The following ADRA1B variants were observed in gnomAD, a reference collection of about 807,000 sequenced individuals.
ADRA1B encodes the protein alpha-1B adrenergic receptor.
Under a neutral mutation model 17.9 loss-of-function variants are expected in ADRA1B, and 17 were observed. That is an observed-to-expected ratio of 0.95 (90% CI 0.65 to 1.42). The LOEUF is 1.42. Ranked by LOEUF, ADRA1B falls within the 40% of genes most tolerant of loss-of-function variation. The pLI is 0.00. For synonymous variants in ADRA1B, 366 were observed against 327.6 expected, an observed-to-expected ratio of 1.12 and a Z score of -1.27; for missense variants, 681 against 722.1, an observed-to-expected ratio of 0.94 and a Z score of 0.65.
intron 1 of ADRA1B, chr5:159,929,172 A>G: frequency 1.3e-5 from 2 of 152,332 alleles, no homozygotes; most frequent in Middle Eastern, 6.8e-3. Context: ...TACAGTTATA[A>G]TGTTGAAAAA....
intron 1 of ADRA1B, among the ~76,000 whole-genome samples, chr5:159,939,322 T>TGTGCGCGC (rs1554090928): frequency 1.9e-5 from 2 of 107,602 alleles, no homozygotes; most frequent in African/African-American, 7.1e-5. Context: ...TGTGTGTGTG[T>TGTGCGCGC]GCGCGCGCGC....
chr5:159,952,054 C>T (rs535931162), intron 1 of ADRA1B, among the ~76,000 whole-genome samples: 46 of 152,296 alleles, frequency 3.0e-4, no homozygotes, highest in African/African-American at 1.0e-3. Flanking sequence ...AATGAGTCAT[C>T]TGAAAACTAG....
chr5:159,948,473 A>G (rs981288943), intron 1 of ADRA1B: 2 of 982,808 alleles, frequency 2.0e-6, no homozygotes, highest in Non-Finnish European at 2.4e-6. Context: ...AGTAACTTTT[A>G]CTGGGTTAGT....
chr5:159,933,971 C>T (rs978134779), intron 1 of ADRA1B, among the ~76,000 whole-genome samples: 5 of 152,104 alleles, frequency 3.3e-5, no homozygotes, highest in African/African-American at 1.2e-4. Flanking sequence ...CAGTAGACAG[C>T]GTATATTTAG....
At chr5:159,945,316 C>T (rs947500727) in intron 1 of ADRA1B, among the ~76,000 whole-genome samples, 5 of 152,106 alleles carry the variant, frequency 3.3e-5, no homozygotes, top group African/African-American at 1.2e-4. Flanking sequence ...TGCGCCATTG[C>T]ACTCCAGCCT....
At chr5:159,989,068 A>G in the ADRA1B span, among the ~76,000 whole-genome samples, 16 of 152,354 alleles carry the variant, frequency 1.1e-4, no homozygotes, top group Admixed American at 6.5e-4. Context: ...TGTTTTCCAC[A>G]GTGGCTGCAC....
chr5:159,913,034 C>G (rs1177655510), upstream of ADRA1B, among the ~76,000 whole-genome samples: 1 of 152,146 alleles, frequency 6.6e-6, no homozygotes, highest in Admixed American at 6.6e-5. Context: ...TCACAGGTGA[C>G]AGATCTCCTC....
the ADRA1B span, among the ~76,000 whole-genome samples, chr5:159,988,209 A>AGATGGGGAAAGGAGGCCGT: frequency 1.3e-5 from 2 of 152,200 alleles, no homozygotes; most frequent in African/African-American, 4.8e-5. Context: ...GAGACTTTGA[A>AGATGGGGAAAGGAGGCCGT]GATGGGGAAA....
At chr5:159,943,889 TTC>T (rs34807519) in intron 1 of ADRA1B, among the ~76,000 whole-genome samples, 20 of 139,502 alleles carry the variant, frequency 1.4e-4, no homozygotes, top group African/African-American at 1.5e-4. Flanking sequence ...TTGGCTCTCA[TTC>T]TCTCTCTCTC....
At chr5:159,929,833 A>G (rs1451691324) in intron 1 of ADRA1B, among the ~76,000 whole-genome samples, 2 of 152,168 alleles carry the variant, frequency 1.3e-5, no homozygotes, top group South Asian at 2.1e-4. Context: ...TGAAGTAAAC[A>G]TTGTTACCAG....
upstream of ADRA1B, among the ~76,000 whole-genome samples, chr5:159,912,890 G>A (rs534797394): frequency 2.6e-5 from 4 of 152,344 alleles, no homozygotes; most frequent in South Asian, 8.3e-4. Context: ...CTCAGTGTTA[G>A]GTTATTGTTT....
chr5:159,980,494 T>G, the ADRA1B span, among the ~76,000 whole-genome samples: 1 of 152,118 alleles, frequency 6.6e-6, no homozygotes, highest in Non-Finnish European at 1.5e-5. Context: ...ATAGCTCAGA[T>G]GAGTAGTAGT....
At chr5:159,985,105 T>A in the ADRA1B span, among the ~76,000 whole-genome samples, 1 of 152,018 alleles carries the variant, frequency 6.6e-6, no homozygotes, top group African/African-American at 2.4e-5. Context: ...CCAGGGACAG[T>A]CCCTTCTTAG....
chr5:159,975,657 G>A (rs1020141351), downstream of ADRA1B, among the ~76,000 whole-genome samples: 1 of 152,340 alleles, frequency 6.6e-6, no homozygotes. Context: ...TTTCTTTCCA[G>A]AAGGAAGACT....
downstream of ADRA1B, among the ~76,000 whole-genome samples, chr5:159,977,180 TA>T (rs1030482929): frequency 6.6e-6 from 1 of 152,182 alleles, no homozygotes; most frequent in African/African-American, 2.4e-5. Context: ...CCCACCCCGC[TA>T]AATCTCCCAA....
intron 1 of ADRA1B, among the ~76,000 whole-genome samples, chr5:159,876,991 C>T (rs1452956918): frequency 1.3e-5 from 2 of 152,154 alleles, no homozygotes; most frequent in Non-Finnish European, 1.5e-5. Context: ...GATTTTCTTC[C>T]CCTAAGGGGT....
intron 1 of ADRA1B, among the ~76,000 whole-genome samples, chr5:159,918,741 A>G (rs1195681799): frequency 6.6e-6 from 1 of 152,226 alleles, no homozygotes; most frequent in Non-Finnish European, 1.5e-5. Context: ...TTTCTAAGGA[A>G]GAAGCCAAGG....
intron 1 of ADRA1B, among the ~76,000 whole-genome samples, chr5:159,967,387 T>C (rs1184434863): frequency 1.3e-5 from 2 of 152,118 alleles, no homozygotes; most frequent in African/African-American, 4.8e-5. Context: ...CTGAGTTGAG[T>C]GGGGCTAATC....
At chr5:159,872,672 G>A (rs1308161542) in intron 1 of ADRA1B, among the ~76,000 whole-genome samples, 2 of 152,074 alleles carry the variant, frequency 1.3e-5, no homozygotes, top group East Asian at 3.9e-4. Flanking sequence ...CACTTGCTTT[G>A]TCTGACTGCT....
Sources: gnomAD v4.1 joint callset for allele counts (sites outside exome capture counted in the v4.1 genomes callset) on GRCh38, gnomAD v4.1.1 for gene constraint, MANE v1.5 for transcripts, NCBI Gene and HGNC (gene_info 2026-07-23, HGNC 2026-07-21) for gene names.